The following LRP1B variants were observed in gnomAD, a reference collection of about 807,000 sequenced individuals.
LRP1B encodes LDL receptor related protein 1B, also known as low-density lipoprotein receptor-related protein 1B.
In LRP1B, 217 loss-of-function variants were observed where a neutral mutation model predicts 556.6. The observed-to-expected ratio is 0.39, with a 90% confidence interval of 0.35 to 0.44. The LOEUF (loss-of-function observed/expected upper bound fraction) is 0.44. Among genes scored for constraint, LRP1B ranks in the 20% least tolerant of loss-of-function variants. LRP1B has a pLI of 1.00. For synonymous variants in LRP1B, 2,047 were observed against 1,865.8 expected (o/e 1.10, Z -2.50); for missense variants, 5,053 against 5,620.8 (o/e 0.90, Z 3.23).
intron 3 of LRP1B, among the ~76,000 whole-genome samples, chr2:141,337,837 C>G (rs952334552): frequency 6.6e-5 from 10 of 152,070 alleles, no homozygotes; most frequent in African/African-American, 2.4e-4. Flanking sequence ...TTTGAAAAAC[C>G]ATCTAAAGTC....
intron 35 of LRP1B, among the ~76,000 whole-genome samples, chr2:140,734,283 T>C (rs1573638963): frequency 6.6e-6 from 1 of 152,172 alleles, no homozygotes; most frequent in Admixed American, 6.6e-5. Flanking sequence ...GAAATTGGAA[T>C]GAGAGTCTAG....
intron 3 of LRP1B, among the ~76,000 whole-genome samples, chr2:141,308,735 A>G (rs754128520): frequency 6.6e-6 from 1 of 152,192 alleles, no homozygotes; most frequent in African/African-American, 2.4e-5. Context: ...ACACAGCTTC[A>G]TAAACATACA....
chr2:140,402,734 AC>A (rs1023180645), intron 66 of LRP1B, among the ~76,000 whole-genome samples: 1 of 152,098 alleles, frequency 6.6e-6, no homozygotes, highest in African/African-American at 2.4e-5. Context: ...AAAGGCTGGG[AC>A]CTCTGACAAC....
chr2:141,015,738 G>A lies in LRP1B; in HGVS notation c.2148C>T (p.Tyr716=), dbSNP rs745788874. ...TNTLYWCDAY[Y]DHIEKVFLNG... ...TCAAAAATACTTTTTCAATATGATC[G>A]TAATAGGCATCACACCAGTATAATG... Residue 716 remains tyrosine (Y), a synonymous_variant, in exon 13 of 91, where the codon TAC becomes TAT. Transcript: ENST00000389484. The A allele has an allele frequency of 6.8e-6, 11 of 1,613,120 alleles. No homozygotes were observed. The highest frequency in any genetic ancestry group is 4.5e-5 in the East Asian group (2 of 44,662).
intron 2 of LRP1B, among the ~76,000 whole-genome samples, chr2:141,787,431 A>G (rs1037259939): frequency 1.3e-5 from 2 of 151,960 alleles, no homozygotes; most frequent in African/African-American, 4.8e-5. Context: ...CTACTGATAT[A>G]TGCAATCACA....
intron 49 of LRP1B, among the ~76,000 whole-genome samples, chr2:140,524,377 T>C (rs1690328035): frequency 6.6e-6 from 1 of 151,836 alleles, no homozygotes; most frequent in Non-Finnish European, 1.5e-5. Flanking sequence ...TTGATCGGAG[T>C]GTAAATTAGT....
rs774464609 is a variant in LRP1B at position 140,903,041 on chromosome 2, C to T, written c.3645G>A (p.Val1215=). The T allele has an allele frequency of 8.1e-6, 13 of 1,613,634 alleles. No homozygotes were observed. The East Asian group carries it at 2.9e-4, about 36-fold the overall frequency. ...ACTTTAGATGATTGCTACAATAATC[C>T]ACAATTTCACATGTTTTATTGTCTT... is the stretch of plus-strand genomic sequence containing the variant. ...LNKDNKTCEI[V]DYCSNHLKCS... Residue 1215 remains valine, a synonymous_variant, in exon 23 of 91, where the codon GTG becomes GTA. Coordinates refer to ENST00000389484, the MANE Select transcript of LRP1B (RefSeq NM_018557.3).
chr2:141,604,354 G>A (rs532390126), intron 2 of LRP1B, among the ~76,000 whole-genome samples: 1 of 151,994 alleles, frequency 6.6e-6, no homozygotes, highest in Non-Finnish European at 1.5e-5. Flanking sequence ...GTGTACAGAG[G>A]ACATAATTTA....
intron 1 of LRP1B, among the ~76,000 whole-genome samples, chr2:141,840,825 C>T (rs1697443579): frequency 6.6e-6 from 1 of 151,782 alleles, no homozygotes. Context: ...ATTGTTATAC[C>T]CAGTCACTAC....
At chr2:141,329,597 T>C (rs1573813476) in intron 3 of LRP1B, among the ~76,000 whole-genome samples, 2 of 148,508 alleles carry the variant, frequency 1.3e-5, no homozygotes, top group African/African-American at 2.5e-5. Context: ...TGAGCCAAGA[T>C]TGCGCCACTG....
chr2:141,631,685 T>C (rs1688915426), intron 2 of LRP1B, among the ~76,000 whole-genome samples: 1 of 152,178 alleles, frequency 6.6e-6, no homozygotes, highest in Non-Finnish European at 1.5e-5. Context: ...CGTGTTTTTG[T>C]TCCTTGTTTC....
intron 72 of LRP1B, among the ~76,000 whole-genome samples, chr2:140,361,341 C>CATATATAT (rs67208978): frequency 0.13 from 3,872 of 30,390 alleles, 502 homozygotes; most frequent in Non-Finnish European, 0.16. Context: ...ACTTGGAAAG[C>CATATATAT]ATATATATAT....
chr2:142,015,933 A>G (rs897016934), intron 1 of LRP1B, among the ~76,000 whole-genome samples: 4 of 137,462 alleles, frequency 2.9e-5, no homozygotes, highest in African/African-American at 1.1e-4. Flanking sequence ...CGGAGCTTGC[A>G]GTGAGCCGAG....
chr2:142,057,434 GT>G (rs1704717649), intron 1 of LRP1B, among the ~76,000 whole-genome samples: 1 of 152,072 alleles, frequency 6.6e-6, no homozygotes, highest in African/African-American at 2.4e-5. Context: ...TCAGGGTGAG[GT>G]TGTCAAATAT....
At chr2:141,554,923 TG>T (rs1685906851) in intron 2 of LRP1B, among the ~76,000 whole-genome samples, 1 of 151,922 alleles carries the variant, frequency 6.6e-6, no homozygotes, top group Admixed American at 6.6e-5. Context: ...GACTCTGTGG[TG>T]TATCAAGTTC....
At chr2:140,849,271 G>A (rs1297882539) in intron 29 of LRP1B, among the ~76,000 whole-genome samples, 2 of 148,562 alleles carry the variant, frequency 1.3e-5, no homozygotes, top group African/African-American at 5.0e-5. Flanking sequence ...TACTCAAGAG[G>A]CTGAGGCAGA....
At chr2:141,280,466 A>G (rs1685470326) in intron 3 of LRP1B, among the ~76,000 whole-genome samples, 2 of 152,178 alleles carry the variant, frequency 1.3e-5, no homozygotes, top group South Asian at 4.1e-4. Flanking sequence ...AACAACATAT[A>G]AGCTATTAAG....
At chr2:141,935,747 C>G (rs1033433921) in intron 1 of LRP1B, among the ~76,000 whole-genome samples, 1 of 152,050 alleles carries the variant, frequency 6.6e-6, no homozygotes, top group African/African-American at 2.4e-5. Flanking sequence ...AACCATAGAA[C>G]AAATATGCTA....
chr2:140,765,444 G>T (rs972529729), intron 35 of LRP1B, among the ~76,000 whole-genome samples: 1 of 152,236 alleles, frequency 6.6e-6, no homozygotes, highest in South Asian at 2.1e-4. Context: ...AATGGGCTTT[G>T]CTTTGAAGGC....
Sources: allele counts gnomAD v4.1 joint callset (sites outside exome capture counted in the v4.1 genomes callset), GRCh38; gene constraint gnomAD v4.1.1; transcripts MANE v1.5; gene names NCBI Gene and HGNC (gene_info 2026-07-23, HGNC 2026-07-21).